FAT3: variants seen among roughly 807,000 people sequenced by gnomAD.
FAT3 encodes the protein protocadherin Fat 3.
A neutral mutation model predicts 310.2 loss-of-function variants in FAT3; 95 were observed. The ratio of observed to expected loss-of-function variants is 0.31; its 90% CI spans 0.26 to 0.36. FAT3 has a LOEUF of 0.36. Among genes scored for constraint, FAT3 ranks in the 10% least tolerant of loss-of-function variants. FAT3 has a pLI of 1.00. For synonymous variants in FAT3, 2,314 were observed against 2,192.9 expected (o/e 1.06, Z -1.54); for missense variants, 5,408 against 5,715.6 (o/e 0.95, Z 1.74).
intron 3 of FAT3, among the ~76,000 whole-genome samples, chr11:92,671,234 G>A (rs1276529583): frequency 1.3e-5 from 2 of 151,792 alleles, no homozygotes; most frequent in African/African-American, 4.8e-5. Flanking sequence ...TAGTAGGAAC[G>A]GGGTTTCGTC....
intron 3 of FAT3, among the ~76,000 whole-genome samples, chr11:92,691,411 T>A (rs1342001678): frequency 6.6e-6 from 1 of 152,134 alleles, no homozygotes; most frequent in African/African-American, 2.4e-5. Context: ...TCTTTTTTTT[T>A]AAAGAAAGAG....
At chr11:92,357,773 TC>T (rs1386261891) in intron 2 of FAT3, among the ~76,000 whole-genome samples, 4 of 152,126 alleles carry the variant, frequency 2.6e-5, no homozygotes, top group African/African-American at 4.8e-5. Flanking sequence ...GCCTAGATTT[TC>T]CCACAGGTAA....
intron 6 of FAT3, among the ~76,000 whole-genome samples, chr11:92,772,214 G>A (rs1464481233): frequency 6.6e-6 from 1 of 152,044 alleles, no homozygotes; most frequent in East Asian, 1.9e-4. Flanking sequence ...TTTAAAATGG[G>A]ATTTAATACC....
intron 1 of FAT3, among the ~76,000 whole-genome samples, chr11:92,332,772 T>G (rs1199978076): frequency 6.6e-6 from 1 of 152,230 alleles, no homozygotes; most frequent in Non-Finnish European, 1.5e-5. Context: ...TGGTAGGCAC[T>G]TAGTAAGATA....
chr11:92,516,542 G>T (rs1414493557), intron 2 of FAT3, among the ~76,000 whole-genome samples: 2 of 152,062 alleles, frequency 1.3e-5, no homozygotes, highest in Non-Finnish European at 1.5e-5. Context: ...ATACTGAATG[G>T]GCAAAAGCTA....
At chr11:92,375,701 G>C (rs948374300) in intron 2 of FAT3, among the ~76,000 whole-genome samples, 1 of 152,192 alleles carries the variant, frequency 6.6e-6, no homozygotes, top group Non-Finnish European at 1.5e-5. Flanking sequence ...TTACTGACAT[G>C]GCTGTAAGTA....
chr11:92,842,363 T>G (rs1228682383), intron 18 of FAT3, among the ~76,000 whole-genome samples: 1 of 152,212 alleles, frequency 6.6e-6, no homozygotes, highest in African/African-American at 2.4e-5. Context: ...CCCAGCAGCT[T>G]CATGCCTTTC....
chr11:92,569,465 G>A (rs1955594843), intron 3 of FAT3, among the ~76,000 whole-genome samples: 1 of 152,142 alleles, frequency 6.6e-6, no homozygotes, highest in Non-Finnish European at 1.5e-5. Context: ...TGATGAGGGG[G>A]ACAGAGGGAA....
chr11:92,308,761 C>T (rs1162604302), intron 1 of FAT3, among the ~76,000 whole-genome samples: 1 of 152,060 alleles, frequency 6.6e-6, no homozygotes, highest in Non-Finnish European at 1.5e-5. Flanking sequence ...TATGTTCAGC[C>T]AAGTCATGCC....
rs75504502 is a variant in FAT3 at position 92,526,235 on chromosome 11, T to A, written c.3607+1287T>A. ...CAACTTTCCTGGGAAGCCCTCCTGA[T>A]TTACTTTTTGGTATGGCAAAGAGCT... On this transcript the variant is annotated intron_variant, in intron 3 of 27. Coordinates refer to ENST00000525166, the MANE Select transcript of FAT3 (RefSeq NM_001367949.2). Among the ~76,000 whole-genome samples, 99 of 152,306 alleles carry A rather than the reference T, an allele frequency of 6.5e-4. 1 individual carries two copies. Among genetic ancestry groups the A allele is most frequent in the East Asian group, 6.0e-3 (31 of 5,176 alleles).
intron 22 of FAT3, among the ~76,000 whole-genome samples, chr11:92,878,511 G>C (rs1949587465): frequency 6.7e-6 from 1 of 150,094 alleles, no homozygotes; most frequent in East Asian, 2.0e-4. Context: ...CCAAAACAAA[G>C]AAACAGAGAA....
chr11:92,446,064 A>G (rs572968729), intron 2 of FAT3, among the ~76,000 whole-genome samples: 68 of 151,770 alleles, frequency 4.5e-4, no homozygotes, highest in Non-Finnish European at 8.5e-4. Context: ...TTTATCTGTC[A>G]TGTGCAGTCA....
rs551585762 is a variant in FAT3 at position 92,352,421 on chromosome 11, T to C, written c.309T>C (p.Cys103=). The C allele has an allele frequency of 6.2e-7, 1 of 1,612,008 alleles. No individual in the cohort carries two copies. Among genetic ancestry groups the C allele is most frequent in the Non-Finnish European group, 8.5e-7 (1 of 1,179,214 alleles). The change falls in exon 2 of 28, where the codon TGT becomes TGC. Residue 103 remains cysteine (C), a synonymous_variant. Coordinates refer to ENST00000525166, the MANE Select transcript of FAT3 (RefSeq NM_001367949.2). ...KAEEVIIADF[C]FLRIRTKGGN... ...AGGAAGTCATCATTGCAGATTTCTG[T>C]TTTCTCAGAATAAGAACTAAAGGTG...
At chr11:92,305,025 C>T (rs1947085839) in intron 1 of FAT3, among the ~76,000 whole-genome samples, 2 of 152,114 alleles carry the variant, frequency 1.3e-5, no homozygotes, top group Admixed American at 1.3e-4. Context: ...ACAAAAGTCA[C>T]CCATTTGCTT....
chr11:92,838,688 G>A (rs1948465158), intron 17 of FAT3, among the ~76,000 whole-genome samples: 4 of 152,250 alleles, frequency 2.6e-5, no homozygotes. Context: ...GGAGTCCCAG[G>A]GCTTTGTGGG....
intron 3 of FAT3, among the ~76,000 whole-genome samples, chr11:92,659,767 T>C (rs1591576197): frequency 1.3e-5 from 2 of 152,274 alleles, no homozygotes; most frequent in Admixed American, 1.3e-4. Flanking sequence ...TTGTCAGTGA[T>C]GAAGACACAT....
intron 25 of FAT3, among the ~76,000 whole-genome samples, chr11:92,887,335 G>T (rs190761247): frequency 8.3e-4 from 126 of 152,304 alleles, no homozygotes; most frequent in Admixed American, 3.4e-3. Context: ...CTGTATCAGG[G>T]GTTGATGTAG....
At position 92,353,520 on chromosome 11, in the gene FAT3, C is replaced by T. The variant is rs1182457058; in HGVS notation, c.1408C>T (p.Pro470Ser). The T allele has an allele frequency of 6.2e-7, 1 of 1,613,574 alleles. No homozygotes were observed. The highest frequency in any genetic ancestry group is 1.7e-5 in the Admixed American group (1 of 59,864). The part of the protein sequence containing the change: ...ISIEDANDHT[P>S]EFQQPLYDAY... ...CATAGAAGATGCAAATGACCACACCCCAGAATTTCAGCAACCACTGTATGA... is the reference window on the plus strand; with the variant it reads ...CATAGAAGATGCAAATGACCACACCTCAGAATTTCAGCAACCACTGTATGA... The change falls in exon 2 of 28, where the codon CCA becomes TCA. Residue 470 changes from proline (P) to serine (S), a missense_variant. Physicochemically the swap from Pro to Ser is moderately conservative, Grantham distance 74. Transcript: ENST00000525166.
chr11:92,268,433 A>AAT (rs146392037), intron 1 of FAT3, among the ~76,000 whole-genome samples: 1 of 151,426 alleles, frequency 6.6e-6, no homozygotes, highest in African/African-American at 2.4e-5. Flanking sequence ...AAATCTGAAC[A>AAT]TGTTTGACAA....
Sources: gnomAD v4.1 joint callset for allele counts (sites outside exome capture counted in the v4.1 genomes callset) on GRCh38, gnomAD v4.1.1 for gene constraint, MANE v1.5 for transcripts, NCBI Gene and HGNC (gene_info 2026-07-23, HGNC 2026-07-21) for gene names.